Variants in PPP1R13B observed in about 807,000 individuals in gnomAD.
PPP1R13B encodes the protein apoptosis-stimulating of p53 protein 1.
A neutral mutation model predicts 119.8 loss-of-function variants in PPP1R13B; 44 were observed. The ratio of observed to expected loss-of-function variants is 0.37; its 90% CI spans 0.29 to 0.47. The LOEUF is 0.47. Among genes scored for constraint, PPP1R13B ranks in the 20% least tolerant of loss-of-function variants. The pLI is 0.99. For synonymous variants in PPP1R13B, 542 were observed against 561.5 expected (o/e 0.97, Z 0.49); for missense variants, 1,227 against 1,413.5 (o/e 0.87, Z 2.12).
Position 103,779,742 on chromosome 14 carries a change from G to A in PPP1R13B, c.278-921C>T, listed in dbSNP as rs541740177. 1.4e-4 allele frequency among the ~76,000 whole-genome samples: 21 copies of A among 152,188 alleles called. No homozygotes were observed. In the East Asian group the frequency reaches 1.9e-3, roughly 14 times the overall value. On this transcript the variant is annotated intron_variant, in intron 3 of 16. Transcript: ENST00000202556. The stretch of plus-strand genomic sequence containing the variant: ...GTAGAGACTGCAGTGAACCATGATC[G>A]CACCATTGCGCTCCAGCCCAGGTGA...
chr14:103,769,241 A>T (rs1469025853), intron 4 of PPP1R13B, among the ~76,000 whole-genome samples: 2 of 151,514 alleles, frequency 1.3e-5, no homozygotes, highest in African/African-American at 4.9e-5. Context: ...GCGTGCCACC[A>T]TGCCAGGCTA....
chr14:103,847,768 C>G, upstream of PPP1R13B: 1 of 417,408 alleles, frequency 2.4e-6, no homozygotes, highest in Non-Finnish European at 3.2e-6. Flanking sequence ...GCGCTCCCGG[C>G]GGCGGGGGAG....
At chr14:103,821,420 C>G (rs1301645633) in intron 1 of PPP1R13B, among the ~76,000 whole-genome samples, 1 of 152,066 alleles carries the variant, frequency 6.6e-6, no homozygotes, top group Non-Finnish European at 1.5e-5. Context: ...CAAAAGAGAC[C>G]CAAAATTGAC....
intron 3 of PPP1R13B, among the ~76,000 whole-genome samples, chr14:103,781,261 T>G (rs2085328812): frequency 6.6e-6 from 1 of 152,196 alleles, no homozygotes; most frequent in South Asian, 2.1e-4. Flanking sequence ...AGAGTTAAAA[T>G]AAATCCTTAG....
At chr14:103,776,868 C>A (rs2085211804) in intron 4 of PPP1R13B, among the ~76,000 whole-genome samples, 1 of 148,730 alleles carries the variant, frequency 6.7e-6, no homozygotes, top group East Asian at 2.0e-4. Context: ...TGAGACTCTG[C>A]CTCAAAAAAA....
chr14:103,745,955 G>A lies in PPP1R13B; in HGVS notation c.1150+418C>T, dbSNP rs138829878. On this transcript the variant is annotated intron_variant, in intron 9 of 16. Coordinates refer to ENST00000202556, the MANE Select transcript of PPP1R13B (RefSeq NM_015316.3). ...TGAGTAGCTGGGATTACAGGTGCAC[G>A]CCACCACGCCCGGCTAATTTTCGTA... is the stretch of plus-strand genomic sequence containing the variant. Among the ~76,000 whole-genome samples the A allele has an allele frequency of 1.7e-4, 26 of 152,230 alleles. 1 individual carries two copies. The highest frequency in any genetic ancestry group is 6.0e-4 in the African/African-American group (25 of 41,554).
chr14:103,737,375 G>A (rs1168948321), intron 15 of PPP1R13B: 3 of 222,328 alleles, frequency 1.3e-5, no homozygotes, highest in Non-Finnish European at 2.7e-5. Flanking sequence ...GACCACCCTG[G>A]GCAACATGGC....
chr14:103,806,832 C>T (rs1186794235), intron 1 of PPP1R13B, among the ~76,000 whole-genome samples: 1 of 152,096 alleles, frequency 6.6e-6, no homozygotes, highest in African/African-American at 2.4e-5. Context: ...AACCTCGTAC[C>T]CAGAAACTGA....
At chr14:103,793,401 G>A (rs2085677234) in intron 2 of PPP1R13B, among the ~76,000 whole-genome samples, 1 of 151,946 alleles carries the variant, frequency 6.6e-6, no homozygotes, top group Non-Finnish European at 1.5e-5. Context: ...GTTTTAGAAG[G>A]GGCTCTTCCC....
chr14:103,764,574 TGTTAA>T lies in PPP1R13B; in HGVS notation c.355-6828_355-6824del, dbSNP rs764712069. ...GTAGTCAGTAGACATAAAATTACCCTGTTAAGTTGATATGAAAGTTTCAAAATGCT... is the reference window on the plus strand; with the variant it reads ...GTAGTCAGTAGACATAAAATTACCCTGTTGATATGAAAGTTTCAAAATGCT... On this transcript the variant is annotated intron_variant, in intron 4 of 16. Transcript: ENST00000202556. 1.5e-4 allele frequency: 29 copies of T among 193,164 alleles called. 1 individual carries two copies. Among genetic ancestry groups the T allele is most frequent in the South Asian group, 1.3e-3 (19 of 14,304 alleles). The allele number at this position is 193,164 out of a possible 1,614,324, so 12.0% of individuals were successfully genotyped here.
intron 2 of PPP1R13B, among the ~76,000 whole-genome samples, chr14:103,791,001 C>A (rs1470198042): frequency 6.6e-6 from 1 of 152,170 alleles, no homozygotes; most frequent in Non-Finnish European, 1.5e-5. Flanking sequence ...AATCTAAGCA[C>A]AGATTCAAGG....
chr14:103,819,727 C>A (rs2086363321), intron 1 of PPP1R13B, among the ~76,000 whole-genome samples: 1 of 150,316 alleles, frequency 6.7e-6, no homozygotes, highest in South Asian at 2.1e-4. Flanking sequence ...CACCTGCTGC[C>A]AAGGTCCCCA....
rs2084038862 is a variant in PPP1R13B at position 103,734,544 on chromosome 14, C to T, written c.*610G>A. ...GTCCAGCCACAGTGCTGGGCCTGCACAATCAGCCTTTAGGTGAACTGGAAC... is the reference window on the plus strand; with the variant it reads ...GTCCAGCCACAGTGCTGGGCCTGCATAATCAGCCTTTAGGTGAACTGGAAC... On this transcript the variant is annotated 3_prime_UTR_variant, in exon 17 of 17. Transcript: ENST00000202556. The T allele has an allele frequency of 2.2e-6, 1 of 456,412 alleles. No individual in the cohort carries two copies. The highest frequency in any genetic ancestry group is 1.5e-5 in the South Asian group (1 of 64,564). 28.3% of individuals were successfully genotyped at this position (456,412 alleles called of 1,614,324 possible).
chr14:103,752,278 CT>C (rs2084566833), intron 7 of PPP1R13B, among the ~76,000 whole-genome samples: 1 of 152,144 alleles, frequency 6.6e-6, no homozygotes. Context: ...TCAACCTGTA[CT>C]GCATGATTCC....
chr14:103,827,330 C>CA lies in PPP1R13B; in HGVS notation c.9+19968dup, dbSNP rs981089546. 1.1e-4 allele frequency among the ~76,000 whole-genome samples: 17 copies of CA among 150,910 alleles called. 1 individual carries two copies. Among genetic ancestry groups the CA allele is most frequent in the South Asian group, 2.1e-4 (1 of 4,772 alleles). On this transcript the variant is annotated intron_variant, in intron 1 of 16. Transcript: ENST00000202556. ...CAACCCAAGCGACAGAGCGAGACTC[C>CA]AAAAAAAAGACTGTACTAGATACTT...
intron 1 of PPP1R13B, among the ~76,000 whole-genome samples, chr14:103,838,262 G>T (rs1337749282): frequency 6.6e-6 from 1 of 151,590 alleles, no homozygotes; most frequent in African/African-American, 2.4e-5. Context: ...CTTCACAATG[G>T]GGTCCAACAG....
chr14:103,840,568 CATTTGAGGTCAGGA>C (rs1454105052), intron 1 of PPP1R13B, among the ~76,000 whole-genome samples: 2 of 151,690 alleles, frequency 1.3e-5, no homozygotes, highest in Non-Finnish European at 2.9e-5. Flanking sequence ...GTGGGCAGAT[CATTTGAGGTCAGGA>C]GTTTGAGACC....
intron 4 of PPP1R13B, among the ~76,000 whole-genome samples, chr14:103,770,058 CTT>C (rs879520593): frequency 2.1e-5 from 3 of 145,012 alleles, no homozygotes; most frequent in African/African-American, 5.0e-5. Context: ...ATGTGAATAA[CTT>C]TTTTTTTTTT....
At chr14:103,793,088 A>C (rs1278778051) in intron 2 of PPP1R13B, among the ~76,000 whole-genome samples, 3 of 109,480 alleles carry the variant, frequency 2.7e-5, no homozygotes, top group East Asian at 3.3e-4. Context: ...GGGGAAGGGA[A>C]GGAAGGGGAG....
Sources: allele counts gnomAD v4.1 joint callset (sites outside exome capture counted in the v4.1 genomes callset), GRCh38; gene constraint gnomAD v4.1.1; transcripts MANE v1.5; gene names NCBI Gene and HGNC (gene_info 2026-07-23, HGNC 2026-07-21).